PRDM11: variants seen among roughly 807,000 people sequenced by gnomAD.
The protein encoded by PRDM11 is PR domain-containing protein 11.
In PRDM11, 20 loss-of-function variants were observed where a neutral mutation model predicts 97.8. The observed-to-expected ratio is 0.20, with a 90% confidence interval of 0.14 to 0.30. The LOEUF (loss-of-function observed/expected upper bound fraction) is 0.30. Among genes scored for constraint, PRDM11 ranks in the 10% least tolerant of loss-of-function variants. PRDM11 has a pLI of 1.00. For missense variants in PRDM11, 1,139 were observed against 1,555.2 expected, an observed-to-expected ratio of 0.73 and a Z score of 4.50; for synonymous variants, 599 against 637.7, an observed-to-expected ratio of 0.94 and a Z score of 0.91.
chr11:45,106,283 T>G (rs1307767609), intron 1 of PRDM11, among the ~76,000 whole-genome samples: 1 of 152,034 alleles, frequency 6.6e-6, no homozygotes, highest in African/African-American at 2.4e-5. Flanking sequence ...CAGCTTAAGG[T>G]GCAGGCTCCC....
rs1241426798 is a variant in PRDM11 at position 45,231,831 on chromosome 11, C to G, written c.*3672C>G. On this transcript the variant is annotated 3_prime_UTR_variant, in exon 8 of 8. Transcript: ENST00000683152. Reference sequence around the variant, plus strand: ...TGGTTGAATATGAGAGTCCAGGCATCAGAAACAGCAGCCTTATTTAATTTA... The same window carrying G: ...TGGTTGAATATGAGAGTCCAGGCATGAGAAACAGCAGCCTTATTTAATTTA... 1 of 152,038 alleles carries G rather than the reference C, an allele frequency of 6.6e-6. No homozygotes were observed. The highest frequency in any genetic ancestry group is 2.4e-5 in the African/African-American group (1 of 41,404). 9.4% of individuals were successfully genotyped at this position (152,038 alleles called of 1,614,324 possible).
chr11:45,214,474 C>G (rs902289271), intron 5 of PRDM11: 1 of 151,580 alleles, frequency 6.6e-6, no homozygotes, highest in Non-Finnish European at 1.5e-5. Context: ...GTTCCTGGAG[C>G]GCTGCTTGTA....
chr11:45,211,989 G>A (rs1028547283), intron 5 of PRDM11, among the ~76,000 whole-genome samples: 9 of 152,226 alleles, frequency 5.9e-5, no homozygotes, highest in Admixed American at 2.0e-4. Context: ...GAGCGTCTTA[G>A]TACCTTTAGG....
intron 1 of PRDM11, among the ~76,000 whole-genome samples, chr11:45,138,868 CAA>C (rs1852933598): frequency 6.6e-6 from 1 of 152,114 alleles, no homozygotes; most frequent in African/African-American, 2.4e-5. Context: ...TTCCATACAG[CAA>C]AAGACATCAC....
At chr11:45,141,587 C>T (rs1239730624) in intron 1 of PRDM11, among the ~76,000 whole-genome samples, 3 of 152,186 alleles carry the variant, frequency 2.0e-5, no homozygotes, top group Admixed American at 1.3e-4. Flanking sequence ...GGGGTGCACA[C>T]AGCCAGAGCC....
At chr11:45,164,120 C>T (rs906069630) in intron 1 of PRDM11, among the ~76,000 whole-genome samples, 1 of 152,176 alleles carries the variant, frequency 6.6e-6, no homozygotes, top group South Asian at 2.1e-4. Context: ...AAACTTTCCT[C>T]CTGAGATTGA....
At chr11:45,190,439 C>A (rs796361988) in intron 4 of PRDM11, among the ~76,000 whole-genome samples, 1 of 151,182 alleles carries the variant, frequency 6.6e-6, no homozygotes, top group Non-Finnish European at 1.5e-5. Context: ...TGAGCCACCG[C>A]GCCCGGCCAT....
chr11:45,120,659 A>G (rs915083611), intron 1 of PRDM11, among the ~76,000 whole-genome samples: 3 of 152,136 alleles, frequency 2.0e-5, no homozygotes, highest in Non-Finnish European at 4.4e-5. Context: ...AATCATCACC[A>G]GCAGACCAGT....
intron 5 of PRDM11, chr11:45,208,796 G>A (rs1183696128): frequency 2.7e-6 from 1 of 367,896 alleles, no homozygotes; most frequent in Non-Finnish European, 5.5e-6. Flanking sequence ...CCCAGCTGGG[G>A]GCCAGCAATT....
At chr11:45,111,121 C>T in intron 1 of PRDM11, among the ~76,000 whole-genome samples, 1 of 152,122 alleles carries the variant, frequency 6.6e-6, no homozygotes, top group East Asian at 1.9e-4. Flanking sequence ...TTTAAATCTC[C>T]ATAATTCTAA....
At chr11:45,156,173 C>A (rs945891559) in intron 1 of PRDM11, among the ~76,000 whole-genome samples, 1 of 152,202 alleles carries the variant, frequency 6.6e-6, no homozygotes, top group Non-Finnish European at 1.5e-5. Context: ...CAAGTTCCTT[C>A]CCCTGAGATG....
intron 1 of PRDM11, among the ~76,000 whole-genome samples, chr11:45,104,834 T>G (rs1852033786): frequency 6.6e-6 from 1 of 152,158 alleles, no homozygotes; most frequent in Non-Finnish European, 1.5e-5. Context: ...AGTTGGGTTC[T>G]CGATGCCTTG....
chr11:45,106,108 C>A (rs896183133), intron 1 of PRDM11, among the ~76,000 whole-genome samples: 15 of 152,212 alleles, frequency 9.9e-5, no homozygotes, highest in Non-Finnish European at 1.9e-4. Context: ...CCTGAGAGAG[C>A]ACAGATGACA....
chr11:45,200,986 CTGATGG>C (rs886266334), intron 4 of PRDM11, among the ~76,000 whole-genome samples: 3 of 152,020 alleles, frequency 2.0e-5, no homozygotes, highest in African/African-American at 4.8e-5. Context: ...ATGTTTACAA[CTGATGG>C]TGATGGTGAT....
chr11:45,099,048 C>T (rs939268045), intron 1 of PRDM11, among the ~76,000 whole-genome samples: 7 of 152,108 alleles, frequency 4.6e-5, no homozygotes, highest in African/African-American at 1.7e-4. Context: ...GATGTCTAGC[C>T]AGAGGGCTAC....
intron 5 of PRDM11, chr11:45,213,408 C>T (rs145178248): frequency 5.2e-5 from 23 of 444,368 alleles, no homozygotes; most frequent in Admixed American, 3.3e-4. Flanking sequence ...GCTGCTGCAT[C>T]GGCCTCCCAC....
chr11:45,167,785 A>G (rs1852101874), intron 1 of PRDM11, among the ~76,000 whole-genome samples: 1 of 151,474 alleles, frequency 6.6e-6, no homozygotes, highest in South Asian at 2.1e-4. Context: ...ACACACACAC[A>G]CACACACACA....
At chr11:45,132,352 A>G (rs1027330751) in intron 1 of PRDM11, among the ~76,000 whole-genome samples, 11 of 152,192 alleles carry the variant, frequency 7.2e-5, no homozygotes, top group African/African-American at 2.7e-4. Context: ...TACATACCAA[A>G]AAGGCATAAA....
intron 1 of PRDM11, among the ~76,000 whole-genome samples, chr11:45,110,671 C>T (rs887677567): frequency 3.3e-5 from 5 of 152,244 alleles, no homozygotes; most frequent in Admixed American, 6.5e-5. Context: ...CCGGTGGCCA[C>T]GAATTGCAAG....
Sources: gnomAD v4.1 joint callset for allele counts (sites outside exome capture counted in the v4.1 genomes callset) on GRCh38, gnomAD v4.1.1 for gene constraint, MANE v1.5 for transcripts, NCBI Gene and HGNC (gene_info 2026-07-23, HGNC 2026-07-21) for gene names.